FOXP2: variants seen among roughly 807,000 people sequenced by gnomAD.
FOXP2 encodes the protein forkhead box P2.
FOXP2 carries 12 observed loss-of-function variants against 115.8 expected under a neutral mutation model. The observed-to-expected ratio is 0.10, with a 90% CI of 0.07 to 0.17. The LOEUF is 0.17. Ranked by LOEUF, FOXP2 falls within the 10% of genes least tolerant of loss-of-function variation. FOXP2 has a pLI of 1.00. For synonymous variants in FOXP2, 328 were observed against 297.7 expected (o/e 1.10, Z -1.05); for missense variants, 629 against 843.5 (o/e 0.75, Z 3.15).
chr7:114,296,785 T>C (rs1796750594), intron 2 of FOXP2, among the ~76,000 whole-genome samples: 1 of 152,134 alleles, frequency 6.6e-6, no homozygotes, highest in Non-Finnish European at 1.5e-5. Flanking sequence ...AAAGTAAACA[T>C]TTATAGAGGA....
At chr7:114,491,585 T>C (rs35442187) in intron 2 of FOXP2, among the ~76,000 whole-genome samples, 12,065 of 151,214 alleles carry the variant, frequency 0.08, 565 homozygotes, top group Middle Eastern at 0.16. Flanking sequence ...CTTGCCCATG[T>C]CTATGTCCTG....
intron 8 of FOXP2, among the ~76,000 whole-genome samples, chr7:114,647,660 T>C (rs1049943996): frequency 4.6e-5 from 7 of 152,002 alleles, no homozygotes; most frequent in Admixed American, 3.9e-4. Flanking sequence ...TCTCACTAGA[T>C]CACTAAAAGC....
intron 2 of FOXP2, among the ~76,000 whole-genome samples, chr7:114,532,138 G>A (rs1369668282): frequency 6.6e-6 from 1 of 151,840 alleles, no homozygotes; most frequent in East Asian, 1.9e-4. Context: ...GAATTTTGCA[G>A]TTCTATAGTA....
intron 2 of FOXP2, among the ~76,000 whole-genome samples, chr7:114,404,792 T>C (rs1792993059): frequency 6.6e-6 from 1 of 152,044 alleles, no homozygotes; most frequent in African/African-American, 2.4e-5. Context: ...GTCTCTTTTA[T>C]TCTTCTGTTA....
chr7:114,408,447 C>G (rs547096897), intron 2 of FOXP2, among the ~76,000 whole-genome samples: 1 of 152,028 alleles, frequency 6.6e-6, no homozygotes, highest in African/African-American at 2.4e-5. Flanking sequence ...AATGAATGGG[C>G]CAGGCGCAGT....
At chr7:114,334,698 T>C (rs190753854) in intron 2 of FOXP2, among the ~76,000 whole-genome samples, 166 of 151,344 alleles carry the variant, frequency 1.1e-3, no homozygotes, top group African/African-American at 3.8e-3. Flanking sequence ...TTTATCGGGT[T>C]GGAGTTGATA....
chr7:114,569,651 C>G (rs1801193647), intron 3 of FOXP2, among the ~76,000 whole-genome samples: 1 of 151,798 alleles, frequency 6.6e-6, no homozygotes, highest in South Asian at 2.1e-4. Context: ...ACAATTTCCC[C>G]CCAGTCTTCA....
At chr7:114,620,780 G>A (rs1268801744) in intron 3 of FOXP2, among the ~76,000 whole-genome samples, 1 of 151,820 alleles carries the variant, frequency 6.6e-6, no homozygotes, top group African/African-American at 2.4e-5. Flanking sequence ...GAATATGTTG[G>A]GTTTAAGCTA....
intron 1 of FOXP2, among the ~76,000 whole-genome samples, chr7:114,117,224 CTT>C (rs749660809): frequency 2.3e-4 from 32 of 140,674 alleles, no homozygotes; most frequent in Non-Finnish European, 3.3e-4. Context: ...CATTACATTA[CTT>C]TTTTTTTTTT....
intron 3 of FOXP2, chr7:114,571,032 A>C (rs1426732654): frequency 1.4e-6 from 1 of 731,372 alleles, no homozygotes; most frequent in Admixed American, 2.1e-5. Flanking sequence ...TACAGATGTA[A>C]TTAGTTGATT....
rs114146926 is a variant in FOXP2 at position 114,301,489 on chromosome 7, A to G, written c.-11+13380A>G. Among the ~76,000 whole-genome samples the G allele has an allele frequency of 3.3e-3, 502 of 152,142 alleles. 4 individuals carry two copies. Among genetic ancestry groups the G allele is most frequent in the African/African-American group, 0.012 (483 of 41,532 alleles). ...CAAAAATTCTCCCCATAATTTTCAA[A>G]ACTCCTCTTAAATAGTGGTATGCCC... On this transcript the variant is annotated intron_variant, in intron 2 of 17. Transcript: ENST00000634411.
rs866795200 is a variant in FOXP2 at position 114,533,399 on chromosome 7, A to G, written c.169-1218A>G. On this transcript the variant is annotated intron_variant, in intron 2 of 16. Transcript: ENST00000350908. ...CTTTTTCTGTTTGCTCAGCATCTCAATGCAGTAGTTCAAACATTGTTCACA... is the reference window on the plus strand; with the variant it reads ...CTTTTTCTGTTTGCTCAGCATCTCAGTGCAGTAGTTCAAACATTGTTCACA... Among the ~76,000 whole-genome samples the G allele has an allele frequency of 2.6e-5, 4 of 151,898 alleles. No individual in the cohort carries two copies. In the South Asian group the frequency reaches 6.2e-4, roughly 24 times the overall value.
At chr7:114,163,613 T>C (rs118151935) in intron 1 of FOXP2, among the ~76,000 whole-genome samples, 1 of 152,162 alleles carries the variant, frequency 6.6e-6, no homozygotes, top group African/African-American at 2.4e-5. Context: ...GTCGGCTCAG[T>C]GTACTGGAAA....
intron 2 of FOXP2, among the ~76,000 whole-genome samples, chr7:114,449,329 A>C (rs946303535): frequency 6.6e-6 from 1 of 152,268 alleles, no homozygotes; most frequent in Admixed American, 6.5e-5. Context: ...TGTTGTATTC[A>C]TATATTTTTA....
At chr7:114,138,686 C>A (rs575111563) in intron 1 of FOXP2, among the ~76,000 whole-genome samples, 2 of 152,050 alleles carry the variant, frequency 1.3e-5, no homozygotes, top group South Asian at 4.2e-4. Context: ...CCACCATGCC[C>A]GGCCAAGCCT....
chr7:114,155,418 A>G (rs1345735738), intron 1 of FOXP2, among the ~76,000 whole-genome samples: 4 of 152,148 alleles, frequency 2.6e-5, no homozygotes, highest in Non-Finnish European at 4.4e-5. Context: ...GCATCACATG[A>G]CAGATAGCAG....
chr7:114,486,155 A>G (rs541758357), intron 2 of FOXP2, among the ~76,000 whole-genome samples: 44 of 152,286 alleles, frequency 2.9e-4, no homozygotes, highest in African/African-American at 1.0e-3. Flanking sequence ...AGACTGGGTA[A>G]TTTATAAAGT....
At chr7:114,328,142 C>T (rs746467200) in intron 2 of FOXP2, among the ~76,000 whole-genome samples, 6 of 151,146 alleles carry the variant, frequency 4.0e-5, no homozygotes, top group South Asian at 2.1e-4. Context: ...CTAGACTCAA[C>T]TCTTGGGCTC....
chr7:114,214,465 C>G (rs1794437771), intron 1 of FOXP2, among the ~76,000 whole-genome samples: 1 of 152,196 alleles, frequency 6.6e-6, no homozygotes, highest in South Asian at 2.1e-4. Flanking sequence ...AAAGAAGTAA[C>G]TGTGTAATAT....
Sources: gnomAD v4.1 joint callset for allele counts (sites outside exome capture counted in the v4.1 genomes callset) on GRCh38, gnomAD v4.1.1 for gene constraint, MANE v1.5 for transcripts, NCBI Gene and HGNC (gene_info 2026-07-23, HGNC 2026-07-21) for gene names.